HPCAL1: variants seen among roughly 807,000 people sequenced by gnomAD.
The protein encoded by HPCAL1 is hippocalcin-like protein 1.
In HPCAL1, 8 loss-of-function variants were observed where a neutral mutation model predicts 17.1. The ratio of observed to expected loss-of-function variants is 0.47; its 90% CI spans 0.27 to 0.84. The LOEUF (loss-of-function observed/expected upper bound fraction) is 0.84. Among genes scored for constraint, HPCAL1 ranks in the 40% least tolerant of loss-of-function variants. The probability of loss-of-function intolerance (pLI) is 0.13; values close to 1 mark genes in which losing one functional copy is unlikely to be tolerated. For synonymous variants in HPCAL1, 112 were observed against 111.4 expected (o/e 1.01, Z -0.03); for missense variants, 165 against 271.1 (o/e 0.61, Z 2.75).
chr2:10,421,225 G>A (rs560690230), intron 3 of HPCAL1, among the ~76,000 whole-genome samples: 14 of 152,356 alleles, frequency 9.2e-5, no homozygotes, highest in South Asian at 8.3e-4. Context: ...AGCTCAGCAC[G>A]GGAAAGACGT....
Position 10,377,227 on chromosome 2 carries a change from G to T in HPCAL1, c.-110-19608G>T, listed in dbSNP as rs1053347886. Reference sequence around the variant, plus strand: ...TTGAGAGGTGTGAGGAGGCTGCCACGCAGGCCGCGCCGCCCCGAATGGCAG... The same window carrying T: ...TTGAGAGGTGTGAGGAGGCTGCCACTCAGGCCGCGCCGCCCCGAATGGCAG... On this transcript the variant is annotated intron_variant, in intron 1 of 4. Transcript: ENST00000307845. This position sits in a 1 kb window ranked among gnomAD's most constrained non-coding sequence, Gnocchi z 5.9. Among the ~76,000 whole-genome samples, 2 of 152,164 alleles carry T rather than the reference G, an allele frequency of 1.3e-5. No homozygotes were observed. Among genetic ancestry groups the T allele is most frequent in the African/African-American group, 4.8e-5 (2 of 41,436 alleles).
chr2:10,322,615 G>A (rs1035111064), intron 1 of HPCAL1, among the ~76,000 whole-genome samples: 3 of 152,226 alleles, frequency 2.0e-5, no homozygotes, highest in Non-Finnish European at 4.4e-5. Flanking sequence ...AAAGTCCCAA[G>A]ACAGATGATT....
chr2:10,352,629 G>A (rs1300428487), intron 1 of HPCAL1, among the ~76,000 whole-genome samples: 3 of 152,198 alleles, frequency 2.0e-5, no homozygotes, highest in Admixed American at 2.0e-4. Flanking sequence ...CCTTGGTTGG[G>A]CCACGCTTAG....
At chr2:10,411,521 G>C (rs529052325) in intron 2 of HPCAL1, among the ~76,000 whole-genome samples, 1 of 152,186 alleles carries the variant, frequency 6.6e-6, no homozygotes, top group South Asian at 2.1e-4. Context: ...TCCAAATGCC[G>C]TTGTCCTAGG....
intron 1 of HPCAL1, among the ~76,000 whole-genome samples, chr2:10,356,022 GGTGGGATGGTATTGATTT>G (rs1666132533): frequency 1.3e-5 from 2 of 152,200 alleles, no homozygotes; most frequent in South Asian, 4.1e-4. Flanking sequence ...GCACAGAGCA[GGTGGGATGGTATTGATTT>G]GTGGGCCTTT....
intron 1 of HPCAL1, among the ~76,000 whole-genome samples, chr2:10,380,395 G>T (rs761155002): frequency 6.6e-6 from 1 of 152,102 alleles, no homozygotes; most frequent in Non-Finnish European, 1.5e-5. Flanking sequence ...GTGGGTGTGC[G>T]CTGCTTGTGT....
rs533698379 is a variant in HPCAL1 at position 10,341,679 on chromosome 2, C to A, written c.-111+38502C>A. Among the ~76,000 whole-genome samples, 58 of 152,024 alleles carry A rather than the reference C, an allele frequency of 3.8e-4. 1 individual carries two copies. Among genetic ancestry groups the A allele is most frequent in the African/African-American group, 1.4e-3 (58 of 41,478 alleles). On this transcript the variant is annotated intron_variant, in intron 1 of 4. Transcript: ENST00000307845. ...AAAGTGGGGAGGGATTCCCTCCTGC[C>A]TAGGTTATGTTGCAAGGCTGCCCGA...
chr2:10,400,204 G>T (rs4668684), intron 2 of HPCAL1, among the ~76,000 whole-genome samples: 1 of 151,868 alleles, frequency 6.6e-6, no homozygotes, highest in Non-Finnish European at 1.5e-5. Context: ...CGAGCAGGCG[G>T]CTCAGCCAGG....
chr2:10,426,475 A>G, intron 4 of HPCAL1: 1 of 494,772 alleles, frequency 2.0e-6, no homozygotes, highest in Non-Finnish European at 3.7e-6. Flanking sequence ...CTCATCAGCC[A>G]CGTCCTGCTG....
At chr2:10,333,076 G>A (rs567538105) in intron 1 of HPCAL1, among the ~76,000 whole-genome samples, 6 of 151,978 alleles carry the variant, frequency 3.9e-5, no homozygotes, top group Non-Finnish European at 8.8e-5. Flanking sequence ...GCCCCATGAC[G>A]CCTGGACGCT....
At chr2:10,390,310 C>T (rs752583095) in intron 1 of HPCAL1, among the ~76,000 whole-genome samples, 3 of 152,192 alleles carry the variant, frequency 2.0e-5, no homozygotes, top group Non-Finnish European at 4.4e-5. Context: ...ATAGGCTCCT[C>T]TGTAACTCAG....
At chr2:10,313,481 G>A (rs1663110491) in intron 1 of HPCAL1, among the ~76,000 whole-genome samples, 1 of 152,254 alleles carries the variant, frequency 6.6e-6, no homozygotes, top group South Asian at 2.1e-4. Context: ...TTGCAGGTCT[G>A]AGTGGCTAGG....
intron 2 of HPCAL1, among the ~76,000 whole-genome samples, chr2:10,408,179 G>A (rs1670091504): frequency 6.6e-6 from 1 of 152,212 alleles, no homozygotes; most frequent in South Asian, 2.1e-4. Context: ...CTTCTCACCA[G>A]CTTCATTTAG....
At chr2:10,349,643 C>T (rs945064719) in intron 1 of HPCAL1, among the ~76,000 whole-genome samples, 4 of 124,508 alleles carry the variant, frequency 3.2e-5, no homozygotes, top group Non-Finnish European at 4.7e-5. Context: ...GCGGAGCTTG[C>T]AGTGATCCGA....
At chr2:10,392,421 T>C (rs112348109) in intron 1 of HPCAL1, among the ~76,000 whole-genome samples, 8 of 152,366 alleles carry the variant, frequency 5.3e-5, no homozygotes, top group African/African-American at 1.9e-4. Context: ...GATAGTGTTT[T>C]GATTACTAAT....
chr2:10,355,031 G>A (rs900821620), intron 1 of HPCAL1, among the ~76,000 whole-genome samples: 5 of 152,232 alleles, frequency 3.3e-5, no homozygotes, highest in Non-Finnish European at 5.9e-5. Flanking sequence ...AGAAGGACAG[G>A]AAGCAAAGTG....
At chr2:10,409,777 CTTTTTTTTTTTTTTTTT>C (rs34031495) in intron 2 of HPCAL1, among the ~76,000 whole-genome samples, 2 of 62,506 alleles carry the variant, frequency 3.2e-5, no homozygotes, top group African/African-American at 7.0e-5. Flanking sequence ...GAGCCTCAGT[CTTTTTTTTTTTTTTTTT>C]TTTTTTTTTT....
intron 2 of HPCAL1, chr2:10,408,827 G>C (rs1670140715): frequency 6.6e-6 from 1 of 152,248 alleles, no homozygotes; most frequent in South Asian, 2.1e-4. Context: ...TGAGCTTGAA[G>C]AGTCCCTGTT....
At chr2:10,348,995 A>G (rs1665655347) in intron 1 of HPCAL1, among the ~76,000 whole-genome samples, 1 of 152,168 alleles carries the variant, frequency 6.6e-6, no homozygotes, top group Non-Finnish European at 1.5e-5. Context: ...CTAGCTTTCA[A>G]TTAAAGTAGC....
Sources: allele counts gnomAD v4.1 joint callset (sites outside exome capture counted in the v4.1 genomes callset), GRCh38; gene constraint gnomAD v4.1.1; non-coding constraint Gnocchi (gnomAD v3.1); transcripts MANE v1.5; gene names NCBI Gene and HGNC (gene_info 2026-07-23, HGNC 2026-07-21).